Variants in TTBK1 observed in about 807,000 individuals in gnomAD.
The protein encoded by TTBK1 is tau tubulin kinase 1.
TTBK1 carries 34 observed loss-of-function variants against 108.5 expected under a neutral mutation model. That is an observed-to-expected ratio of 0.31 (90% confidence interval 0.24 to 0.42). The LOEUF is 0.42. TTBK1 is among the 10% of genes least tolerant of loss of function. The pLI, the probability that TTBK1 is intolerant of heterozygous loss-of-function variation, is 1.00. For synonymous variants in TTBK1, 809 were observed against 795.1 expected, an observed-to-expected ratio of 1.02 and a Z score of -0.29; for missense variants, 1,539 against 1,826.0, an observed-to-expected ratio of 0.84 and a Z score of 2.86.
intron 13 of TTBK1, among the ~76,000 whole-genome samples, chr6:43,266,529 C>G (rs375896453): frequency 1.3e-5 from 2 of 152,320 alleles, no homozygotes; most frequent in African/African-American, 4.8e-5. Context: ...TGACCACCAG[C>G]TGGTAAGTGT....
At chr6:43,270,073 C>T (rs1342025153) in intron 13 of TTBK1, 1 of 1,410,682 alleles carries the variant, frequency 7.1e-7, no homozygotes, top group East Asian at 2.7e-5. Context: ...CCCCATCATG[C>T]AATACAGCCC....
At chr6:43,266,574 G>A (rs796189975) in intron 13 of TTBK1, among the ~76,000 whole-genome samples, 34 of 152,232 alleles carry the variant, frequency 2.2e-4, no homozygotes, top group South Asian at 8.3e-4. Context: ...AACTCGTTCC[G>A]AGAGCTGAGC....
chr6:43,286,011 G>C lies in TTBK1; in HGVS notation c.*635G>C, dbSNP rs1248092556. The C allele has an allele frequency of 6.6e-6, 1 of 152,646 alleles. No individual in the cohort carries two copies. Among genetic ancestry groups the C allele is most frequent in the African/African-American group, 2.4e-5 (1 of 41,434 alleles). The allele number at this position is 152,646 out of a possible 1,614,324, so 9.5% of individuals were successfully genotyped here. A position where few individuals can be genotyped will look rare whatever the true frequency, so the allele number is the denominator to read the frequency against. On this transcript the variant is annotated 3_prime_UTR_variant, in exon 15 of 15. Transcript: ENST00000259750. The surrounding 1 kb of genome is among the most constrained non-coding windows in gnomAD (Gnocchi z 4.6). ...GGTCTACTCAGGTGTGAGGGGGCAG[G>C]TCTGACCTGCCCCAAAGTTGGCTCC...
At chr6:43,275,807 C>G (rs1314480122) in intron 13 of TTBK1, among the ~76,000 whole-genome samples, 1 of 152,006 alleles carries the variant, frequency 6.6e-6, no homozygotes, top group Non-Finnish European at 1.5e-5. Flanking sequence ...CACCCCCACC[C>G]CCGAAAATAA....
At position 43,287,314 on chromosome 6, in the gene TTBK1, GT is replaced by G. The variant is rs1778405809; in HGVS notation, c.*1939del. On this transcript the variant is annotated 3_prime_UTR_variant, in exon 15 of 15. Transcript: ENST00000259750. The surrounding 1 kb of genome is among the most constrained non-coding windows in gnomAD (Gnocchi z 4.1). ...CCGAATGACAATCAGCTCGTGCCAG[GT>G]GGGGACCAGGATATGACTCCTGGTG... 2 of 152,496 alleles carry G rather than the reference GT, an allele frequency of 1.3e-5. No individual in the cohort carries two copies. Among genetic ancestry groups the G allele is most frequent in the Non-Finnish European group, 2.9e-5 (2 of 68,042 alleles). The allele number at this position is 152,496 out of a possible 1,614,324, so 9.4% of individuals were successfully genotyped here.
Position 43,263,360 on chromosome 6 carries a change from G to A in TTBK1, c.1986+10G>A. 2 of 1,452,212 alleles carry A rather than the reference G, an allele frequency of 1.4e-6. No individual in the cohort carries two copies. The highest frequency in any genetic ancestry group is 5.0e-5 in the East Asian group (2 of 39,826). 90.0% of individuals were successfully genotyped at this position (1,452,212 alleles called of 1,614,324 possible). On this transcript the variant is annotated intron_variant, in intron 13 of 14. Coordinates refer to ENST00000259750, the MANE Select transcript of TTBK1 (RefSeq NM_032538.3). This position sits in a 1 kb window ranked among gnomAD's most constrained non-coding sequence, Gnocchi z 4.7. ...AGGCCCACAGAGACAGGTAAGGTTG[G>A]GCTTGCACCCCACTCCCCATCTCCA... is the stretch of plus-strand genomic sequence containing the variant.
intron 13 of TTBK1, among the ~76,000 whole-genome samples, chr6:43,279,365 G>A (rs1026251038): frequency 2.0e-5 from 3 of 152,206 alleles, no homozygotes; most frequent in African/African-American, 7.2e-5. Flanking sequence ...ATAGGTAAAG[G>A]TTCTGAGGAG....
Position 43,246,604 on chromosome 6 carries a change from T to C in TTBK1, c.-54-3T>C. 7.0e-7 allele frequency: 1 copy of C among 1,428,784 alleles called. No individual in the cohort carries two copies. The allele number at this position is 1,428,784 out of a possible 1,614,324, so 88.5% of individuals were successfully genotyped here. ...CCCTCACAGGCCCTCCTCACTCCCC[T>C]AGGTAGATGGCCCCCTCAGGGCAGG... On this transcript the variant is annotated splice_region_variant and splice_polypyrimidine_tract_variant and intron_variant, in intron 1 of 14. Transcript: ENST00000259750.
Position 43,269,986 on chromosome 6 carries a change from G to A in TTBK1, c.1986+6636G>A, listed in dbSNP as rs754789074. The A allele has an allele frequency of 3.4e-5, 49 of 1,429,538 alleles. No individual in the cohort carries two copies. In the African/African-American group the frequency reaches 4.9e-4, roughly 14 times the overall value. The allele number at this position is 1,429,538 out of a possible 1,614,324, so 88.6% of individuals were successfully genotyped here. ...CCCCCCTCCTGGAGGGGGCAGGTGG[G>A]GGGGGGTGGGGAGCAGGCAGAGGAC... On this transcript the variant is annotated intron_variant, in intron 13 of 14. Transcript: ENST00000259750. The surrounding 1 kb of genome is among the most constrained non-coding windows in gnomAD (Gnocchi z 4.8).
At position 43,283,284 on chromosome 6, in the gene TTBK1, C is replaced by T. The variant is rs746794094; in HGVS notation, c.2544C>T (p.Pro848=). 33 of 1,565,260 alleles carry T rather than the reference C, an allele frequency of 2.1e-5. No homozygotes were observed. The highest frequency in any genetic ancestry group is 5.9e-5 in the South Asian group (5 of 85,404). The change falls in exon 14 of 15, where the codon CCC becomes CCT. Residue 848 remains proline (P), a synonymous_variant. Transcript: ENST00000259750. This position sits in a 1 kb window ranked among gnomAD's most constrained non-coding sequence, Gnocchi z 8.1. ...LVSPGDMKKS[P]VTAELAPDPD... Reference sequence around the variant, plus strand: ...CTCCTGGCGACATGAAGAAGTCGCCCGTCACTGCCGAACTGGCCCCCGACC... The same window carrying T: ...CTCCTGGCGACATGAAGAAGTCGCCTGTCACTGCCGAACTGGCCCCCGACC...
At chr6:43,267,090 G>A (rs1562091823) in intron 13 of TTBK1, among the ~76,000 whole-genome samples, 1 of 151,834 alleles carries the variant, frequency 6.6e-6, no homozygotes, top group East Asian at 1.9e-4. Flanking sequence ...GTCAGCAGGT[G>A]TGCCTGTGGC....
intron 12 of TTBK1, among the ~76,000 whole-genome samples, chr6:43,260,542 TCACA>T (rs1212766520): frequency 6.6e-6 from 1 of 152,180 alleles, no homozygotes; most frequent in Non-Finnish European, 1.5e-5. Flanking sequence ...CCTTACACAC[TCACA>T]CAGGTTGGCT....
chr6:43,261,731 C>T (rs1192568587), intron 12 of TTBK1, among the ~76,000 whole-genome samples: 27 of 147,388 alleles, frequency 1.8e-4, no homozygotes, highest in Non-Finnish European at 1.5e-5. Context: ...AGGAGAATAG[C>T]TTGAACCTGG....
chr6:43,264,014 G>C (rs1337596816), intron 13 of TTBK1, among the ~76,000 whole-genome samples: 2 of 152,102 alleles, frequency 1.3e-5, no homozygotes, highest in Admixed American at 6.6e-5. Context: ...GGCTGTGATG[G>C]AGTGGGGGCC....
intron 13 of TTBK1, among the ~76,000 whole-genome samples, chr6:43,277,900 C>T (rs906635213): frequency 7.2e-5 from 11 of 152,142 alleles, no homozygotes; most frequent in South Asian, 2.1e-4. Context: ...GAGGCATGCA[C>T]GAGGCAGTTT....
At position 43,270,947 on chromosome 6, in the gene TTBK1, G is replaced by A. The variant is rs148846197; in HGVS notation, c.1986+7597G>A. The stretch of plus-strand genomic sequence containing the variant: ...TAGGTGCTCGGTCAGCCCCAAGGGC[G>A]GTGGTGAAGACACAGCAGAAGAGAG... On this transcript the variant is annotated intron_variant, in intron 13 of 14. Coordinates refer to ENST00000259750, the MANE Select transcript of TTBK1 (RefSeq NM_032538.3). The A allele has an allele frequency of 1.4e-4, 142 of 985,504 alleles. No individual in the cohort carries two copies. The South Asian group carries it at 1.6e-3, about 11-fold the overall frequency. The allele number at this position is 985,504 out of a possible 1,614,324, so 61.0% of individuals were successfully genotyped here.
chr6:43,269,609 C>T lies in TTBK1; in HGVS notation c.1986+6259C>T. The T allele has an allele frequency of 6.3e-7, 1 of 1,592,216 alleles. No homozygotes were observed. Among genetic ancestry groups the T allele is most frequent in the Non-Finnish European group, 8.6e-7 (1 of 1,167,058 alleles). On this transcript the variant is annotated intron_variant, in intron 13 of 14. Coordinates refer to ENST00000259750, the MANE Select transcript of TTBK1 (RefSeq NM_032538.3). The surrounding 1 kb of genome is among the most constrained non-coding windows in gnomAD (Gnocchi z 4.8). ...GGAGCTGTCGAGTCTGTGCCTGACACCTCTTTTCCCTCCACTTTCTTGGTC... is the reference window on the plus strand; with the variant it reads ...GGAGCTGTCGAGTCTGTGCCTGACATCTCTTTTCCCTCCACTTTCTTGGTC...
chr6:43,275,427 G>A (rs576041533), intron 13 of TTBK1, among the ~76,000 whole-genome samples: 1 of 152,090 alleles, frequency 6.6e-6, no homozygotes, highest in African/African-American at 2.4e-5. Context: ...GCGGCCTTTG[G>A]GTCCCTGGCC....
chr6:43,280,577 A>G (rs1264730639), intron 13 of TTBK1, among the ~76,000 whole-genome samples: 1 of 152,214 alleles, frequency 6.6e-6, no homozygotes, highest in Non-Finnish European at 1.5e-5. Context: ...AGACTATAAC[A>G]TGGTGACCAG....
Sources: allele counts gnomAD v4.1 joint callset (sites outside exome capture counted in the v4.1 genomes callset), GRCh38; gene constraint gnomAD v4.1.1; non-coding constraint Gnocchi (gnomAD v3.1); transcripts MANE v1.5; gene names NCBI Gene and HGNC (gene_info 2026-07-23, HGNC 2026-07-21).